Variants in MAGI1 observed in about 807,000 individuals in gnomAD.
MAGI1 encodes membrane associated guanylate kinase, WW and PDZ domain containing 1.
In MAGI1, 58 loss-of-function variants were observed where a neutral mutation model predicts 139.9. The ratio of observed to expected loss-of-function variants is 0.41; its 90% CI spans 0.34 to 0.52. MAGI1 has a LOEUF of 0.52. Among genes scored for constraint, MAGI1 ranks in the 20% least tolerant of loss-of-function variants. MAGI1 has a pLI of 0.12. For missense variants in MAGI1, 1,874 were observed against 1,901.6 expected (o/e 0.99, Z 0.27); for synonymous variants, 812 against 737.9 (o/e 1.10, Z -1.63).
rs376797356 is a variant in MAGI1 at position 65,917,845 on chromosome 3, T to C, written c.313+120151A>G. Among the ~76,000 whole-genome samples the C allele has an allele frequency of 2.6e-5, 4 of 152,192 alleles. No individual in the cohort carries two copies. In the East Asian group the frequency reaches 5.8e-4, roughly 22 times the overall value. On this transcript the variant is annotated intron_variant, in intron 1 of 22. Transcript: ENST00000402939. Reference sequence around the variant, plus strand: ...GAAACTAGTCTGTATATTATAATGGTGGACACGTGTCATTACATATTTGTT... The same window carrying C: ...GAAACTAGTCTGTATATTATAATGGCGGACACGTGTCATTACATATTTGTT...
chr3:65,653,332 T>C (rs1481785818), intron 1 of MAGI1, among the ~76,000 whole-genome samples: 1 of 152,156 alleles, frequency 6.6e-6, no homozygotes, highest in Non-Finnish European at 1.5e-5. Context: ...TACCTTCCAC[T>C]TTGGCCCCTT....
chr3:65,537,681 C>T lies in MAGI1; in HGVS notation c.431-44050G>A, dbSNP rs555094636. ...GATTAAAAATGACCTCCCAACTTTT[C>T]GCCTTCCACTGAAAAAAATCACTAG... On this transcript the variant is annotated intron_variant, in intron 2 of 22. Transcript: ENST00000402939. 5.9e-5 allele frequency among the ~76,000 whole-genome samples: 9 copies of T among 152,162 alleles called. No individual in the cohort carries two copies. The East Asian group carries it at 1.5e-3, about 26-fold the overall frequency.
chr3:65,590,328 C>T (rs1370351884), intron 2 of MAGI1, among the ~76,000 whole-genome samples: 1 of 152,132 alleles, frequency 6.6e-6, no homozygotes, highest in Non-Finnish European at 1.5e-5. Flanking sequence ...AGCATAATAT[C>T]GGGCTCATAA....
intron 5 of MAGI1, among the ~76,000 whole-genome samples, chr3:65,457,554 G>A (rs1432387553): frequency 1.3e-5 from 2 of 152,082 alleles, no homozygotes; most frequent in African/African-American, 4.8e-5. Flanking sequence ...TTGTTAGATT[G>A]ACACCTGTAT....
At chr3:65,870,016 A>G (rs181061997) in intron 1 of MAGI1, among the ~76,000 whole-genome samples, 6 of 152,302 alleles carry the variant, frequency 3.9e-5, no homozygotes, top group Admixed American at 3.9e-4. Flanking sequence ...GCCATTGATT[A>G]CTACCCTCAA....
intron 1 of MAGI1, among the ~76,000 whole-genome samples, chr3:65,631,394 T>C (rs968154177): frequency 6.6e-6 from 1 of 152,216 alleles, no homozygotes; most frequent in African/African-American, 2.4e-5. Context: ...GCATTTGCAA[T>C]ATTAGTGTAC....
At chr3:65,841,563 G>C (rs187223034) in intron 1 of MAGI1, among the ~76,000 whole-genome samples, 1 of 151,914 alleles carries the variant, frequency 6.6e-6, no homozygotes, top group African/African-American at 2.4e-5. Flanking sequence ...AAGTAGCTGG[G>C]ATTACAGGTG....
At chr3:65,365,172 T>C (rs1327437309) in intron 18 of MAGI1, 2 of 721,034 alleles carry the variant, frequency 2.8e-6, no homozygotes, top group Non-Finnish European at 5.1e-6. Flanking sequence ...CAAACAGACA[T>C]CTCCACAAAT....
chr3:65,781,195 CA>C (rs11375080), intron 1 of MAGI1, among the ~76,000 whole-genome samples: 53 of 140,836 alleles, frequency 3.8e-4, no homozygotes, highest in Non-Finnish European at 4.1e-4. Context: ...GATTCTGTCT[CA>C]AAAAAAAAAA....
chr3:65,463,058 T>C (rs1419171188), intron 5 of MAGI1, among the ~76,000 whole-genome samples: 3 of 152,244 alleles, frequency 2.0e-5, no homozygotes, highest in African/African-American at 4.8e-5. Context: ...AATCATGTCA[T>C]CTGCAAACAG....
chr3:65,779,225 G>T (rs2038730600), intron 1 of MAGI1, among the ~76,000 whole-genome samples: 1 of 152,110 alleles, frequency 6.6e-6, no homozygotes, highest in South Asian at 2.1e-4. Context: ...ATTACTGCCA[G>T]TATGACCTCT....
chr3:65,860,394 T>A (rs1423674284), intron 1 of MAGI1, among the ~76,000 whole-genome samples: 1 of 152,212 alleles, frequency 6.6e-6, no homozygotes, highest in Non-Finnish European at 1.5e-5. Context: ...TTGTATTTAA[T>A]CCTTATATCA....
chr3:65,650,926 A>C (rs570345833), intron 1 of MAGI1, among the ~76,000 whole-genome samples: 1 of 152,322 alleles, frequency 6.6e-6, no homozygotes, highest in South Asian at 2.1e-4. Context: ...GTGTAAAATA[A>C]GTAAGGTGCA....
intron 1 of MAGI1, among the ~76,000 whole-genome samples, chr3:65,641,790 G>A (rs950259702): frequency 6.6e-6 from 1 of 152,202 alleles, no homozygotes; most frequent in African/African-American, 2.4e-5. Flanking sequence ...TCATCTAAAA[G>A]AATCAGGAGA....
chr3:65,774,377 T>C (rs1478791990), intron 1 of MAGI1, among the ~76,000 whole-genome samples: 3 of 152,224 alleles, frequency 2.0e-5, no homozygotes, highest in Non-Finnish European at 2.9e-5. Flanking sequence ...TGAAAATGTA[T>C]TTGAAATGAG....
intron 1 of MAGI1, among the ~76,000 whole-genome samples, chr3:65,761,685 C>G (rs956091946): frequency 1.3e-5 from 2 of 152,082 alleles, no homozygotes; most frequent in Non-Finnish European, 2.9e-5. Context: ...ATTAACCAGC[C>G]GAGAATGAAC....
chr3:65,359,963 G>C, intron 22 of MAGI1: 1 of 985,414 alleles, frequency 1.0e-6, no homozygotes, highest in Non-Finnish European at 1.2e-6. Flanking sequence ...CAGAAGTTCA[G>C]TACAGTGCAC....
rs60986885 is a variant in MAGI1, at chr3:65,570,418, T to TAAAA, written c.430+51550_430+51553dup. 7.7e-3 allele frequency among the ~76,000 whole-genome samples: 1,069 copies of TAAAA among 138,160 alleles called. 8 individuals are homozygous for TAAAA. Among genetic ancestry groups the TAAAA allele is most frequent in the African/African-American group, 0.026 (982 of 38,098 alleles). The allele number at this position is 138,160 out of a possible 152,430, so 90.6% of individuals were successfully genotyped here. ...CACCTGGCCTTTCTACAATACTTCA[T>TAAAA]AAAAAAAAAAAAATGTTTAATCAGC... On this transcript the variant is annotated intron_variant, in intron 2 of 22. Coordinates refer to ENST00000402939, the MANE Select transcript of MAGI1 (RefSeq NM_001033057.2).
intron 1 of MAGI1, among the ~76,000 whole-genome samples, chr3:65,727,525 T>A (rs190882559): frequency 3.3e-5 from 5 of 152,310 alleles, no homozygotes; most frequent in African/African-American, 1.2e-4. Flanking sequence ...CCATTGCCCC[T>A]GGCTCTATGG....
Sources: gnomAD v4.1 joint callset for allele counts (sites outside exome capture counted in the v4.1 genomes callset) on GRCh38, gnomAD v4.1.1 for gene constraint, MANE v1.5 for transcripts, NCBI Gene and HGNC (gene_info 2026-07-23, HGNC 2026-07-21) for gene names.